The following MAP4K3 variants were observed in gnomAD, a reference collection of about 807,000 sequenced individuals.
MAP4K3 encodes MAPK/ERK kinase kinase kinase 3.
MAP4K3 carries 94 observed loss-of-function variants against 143.5 expected under a neutral mutation model. The observed-to-expected ratio is 0.65, with a 90% CI of 0.55 to 0.78. The LOEUF is 0.78. MAP4K3 is among the 30% of genes least tolerant of loss of function. The probability of loss-of-function intolerance (pLI) is 0.00; values close to 1 mark genes in which losing one functional copy is unlikely to be tolerated. For missense variants in MAP4K3, 1,077 were observed against 1,068.1 expected, an observed-to-expected ratio of 1.01 and a Z score of -0.12; for synonymous variants, 416 against 347.2, an observed-to-expected ratio of 1.20 and a Z score of -2.20.
At chr2:39,257,388 G>A (rs1480574923) in intron 31 of MAP4K3, among the ~76,000 whole-genome samples, 1 of 152,166 alleles carries the variant, frequency 6.6e-6, no homozygotes, top group Non-Finnish European at 1.5e-5. Flanking sequence ...TCTCTGAGCA[G>A]CAGACACAAC....
rs1196187605 is a variant in MAP4K3 at position 39,258,650 on chromosome 2, T to G, written c.2309-63A>C. 3 of 1,135,068 alleles carry G rather than the reference T, an allele frequency of 2.6e-6. No individual in the cohort carries two copies. In the African/African-American group the frequency reaches 4.6e-5, roughly 18 times the overall value. 70.3% of individuals were successfully genotyped at this position (1,135,068 alleles called of 1,614,324 possible). ...TGTGATACTTAAAGCATGGAAACAT[T>G]GAAGAAAAAGAATTCTGAGGATAAC... is the stretch of plus-strand genomic sequence containing the variant. On this transcript the variant is annotated intron_variant, in intron 29 of 33. Coordinates refer to ENST00000263881, the MANE Select transcript of MAP4K3 (RefSeq NM_003618.4).
At chr2:39,309,386 A>G (rs1682856694) in intron 14 of MAP4K3, 75 bp downstream of exon 14, 7 of 1,065,990 alleles carry the variant, frequency 6.6e-6, no homozygotes, top group Non-Finnish European at 9.5e-6. Context: ...TTTTTTGGTC[A>G]GTACTAATAC....
intron 15 of MAP4K3, among the ~76,000 whole-genome samples, chr2:39,301,132 C>CA (rs142308611): frequency 0.048 from 7,299 of 152,056 alleles, 298 homozygotes; most frequent in African/African-American, 0.11. Flanking sequence ...CAAGACCTGT[C>CA]AAAAAAATCT....
intron 1 of MAP4K3, among the ~76,000 whole-genome samples, chr2:39,407,651 A>G (rs1483178130): frequency 1.3e-5 from 2 of 152,166 alleles, no homozygotes; most frequent in Non-Finnish European, 2.9e-5. Context: ...GGATCACTGC[A>G]GCCTCAACCT....
At chr2:39,289,654 G>C (rs1235949635) in intron 19 of MAP4K3, among the ~76,000 whole-genome samples, 3 of 152,242 alleles carry the variant, frequency 2.0e-5, no homozygotes, top group South Asian at 4.1e-4. Flanking sequence ...TTCATTCTTA[G>C]AAGTCAGGAA....
At chr2:39,268,181 T>G (rs1397697418) in intron 26 of MAP4K3, among the ~76,000 whole-genome samples, 1 of 152,194 alleles carries the variant, frequency 6.6e-6, no homozygotes, top group African/African-American at 2.4e-5. Context: ...AAATCAATTC[T>G]GAATTTTTTT....
intron 1 of MAP4K3, among the ~76,000 whole-genome samples, chr2:39,385,369 C>G (rs1447674895): frequency 6.6e-6 from 1 of 151,824 alleles, no homozygotes; most frequent in Non-Finnish European, 1.5e-5. Context: ...TTTATTTCAG[C>G]CATCCTAATA....
At chr2:39,374,063 T>C (rs1430931280) in intron 2 of MAP4K3, among the ~76,000 whole-genome samples, 1 of 152,166 alleles carries the variant, frequency 6.6e-6, no homozygotes, top group Non-Finnish European at 1.5e-5. Flanking sequence ...AAATAGCTCA[T>C]GTAACCCAGA....
chr2:39,252,894 A>C (rs547994070), intron 32 of MAP4K3, among the ~76,000 whole-genome samples: 12 of 152,294 alleles, frequency 7.9e-5, no homozygotes, highest in East Asian at 1.9e-4. Context: ...CTACTAGAAG[A>C]AGCTAACATT....
At chr2:39,363,668 CAAAAAAAAAA>C (rs34083007) in intron 2 of MAP4K3, among the ~76,000 whole-genome samples, 1 of 83,742 alleles carries the variant, frequency 1.2e-5, no homozygotes, top group East Asian at 3.7e-4. Context: ...GACTCTGTCT[CAAAAAAAAAA>C]AAAAAAAAAA....
intron 2 of MAP4K3, among the ~76,000 whole-genome samples, 177 bp from the exon 3 acceptor site, chr2:39,356,516 C>T (rs1309761976): frequency 6.6e-6 from 1 of 152,156 alleles, no homozygotes; most frequent in Non-Finnish European, 1.5e-5. Context: ...TCAGTCCTGA[C>T]TTGAGAGAAA....
intron 1 of MAP4K3, among the ~76,000 whole-genome samples, chr2:39,422,917 A>G (rs550674649): frequency 1.2e-3 from 189 of 152,286 alleles, no homozygotes; most frequent in Non-Finnish European, 2.4e-3. Flanking sequence ...GAAAGAAAAA[A>G]CTGATAAGCT....
chr2:39,431,698 G>A (rs919175033), intron 1 of MAP4K3, among the ~76,000 whole-genome samples: 6 of 152,224 alleles, frequency 3.9e-5, no homozygotes, highest in Non-Finnish European at 8.8e-5. Context: ...CAGTTGGTTA[G>A]AAGGACAGTA....
intron 2 of MAP4K3, among the ~76,000 whole-genome samples, chr2:39,364,482 T>G (rs1665864347): frequency 6.6e-6 from 1 of 152,134 alleles, no homozygotes; most frequent in South Asian, 2.1e-4. Context: ...GAATGACCAG[T>G]GGTCTGTAAT....
rs1198301516 is a variant in MAP4K3, at chr2:39,330,186, A to G, written c.530+1731T>C. 2.6e-5 allele frequency among the ~76,000 whole-genome samples: 4 copies of G among 152,178 alleles called. No individual in the cohort carries two copies. In the East Asian group the frequency reaches 7.7e-4, roughly 29 times the overall value. On this transcript the variant is annotated intron_variant, in intron 8 of 33. Transcript: ENST00000263881. ...AGCACAAATGCCAAGTACAATGAAT[A>G]AAAGTAAAAACAATAAAAAAATATT...
intron 1 of MAP4K3, among the ~76,000 whole-genome samples, chr2:39,427,752 C>T (rs1665138709): frequency 6.6e-6 from 1 of 152,114 alleles, no homozygotes; most frequent in South Asian, 2.1e-4. Context: ...GCTACCCAAG[C>T]ACGTTAGAGA....
intron 21 of MAP4K3, among the ~76,000 whole-genome samples, chr2:39,282,806 T>C (rs1002317101): frequency 6.6e-6 from 1 of 152,242 alleles, no homozygotes; most frequent in African/African-American, 2.4e-5. Flanking sequence ...TATGTAATCA[T>C]ATGGCTTTCC....
At chr2:39,434,761 A>G (rs1028889363) in intron 1 of MAP4K3, among the ~76,000 whole-genome samples, 4 of 152,244 alleles carry the variant, frequency 2.6e-5, no homozygotes, top group Admixed American at 6.5e-5. Context: ...CAACTGCAAA[A>G]TGGAGTTAAC....
At chr2:39,282,965 T>C (rs1445283301) in intron 21 of MAP4K3, among the ~76,000 whole-genome samples, 1 of 152,240 alleles carries the variant, frequency 6.6e-6, no homozygotes, top group African/African-American at 2.4e-5. Context: ...CATGTAGACT[T>C]AGTTCATTTG....
Sources: gnomAD v4.1 joint callset for allele counts (sites outside exome capture counted in the v4.1 genomes callset) on GRCh38, gnomAD v4.1.1 for gene constraint, MANE v1.5 for transcripts, NCBI Gene and HGNC (gene_info 2026-07-23, HGNC 2026-07-21) for gene names.